TENM4: variants seen among roughly 807,000 people sequenced by gnomAD.
TENM4 encodes teneurin-4.
Under a neutral mutation model 243.3 loss-of-function variants are expected in TENM4, and 82 were observed. The observed-to-expected ratio is 0.34, with a 90% CI of 0.28 to 0.40. The LOEUF is 0.40. Among genes scored for constraint, TENM4 ranks in the 10% least tolerant of loss-of-function variants. TENM4 has a pLI of 1.00. For missense variants in TENM4, 3,138 were observed against 3,673.3 expected (o/e 0.85, Z 3.77); for synonymous variants, 1,412 against 1,456.3 (o/e 0.97, Z 0.69).
At chr11:79,179,306 A>G (rs543728494) in intron 3 of TENM4, among the ~76,000 whole-genome samples, 1 of 152,318 alleles carries the variant, frequency 6.6e-6, no homozygotes, top group East Asian at 1.9e-4. Context: ...ATGGCCCAGC[A>G]CATGTTTTTT....
rs3829217 is a variant in TENM4, at chr11:78,863,313, T to A, written c.1085-181A>T. On this transcript the variant is annotated intron_variant, in intron 9 of 33. Transcript: ENST00000278550. Reference sequence around the variant, plus strand: ...CAAAGGAGACTGGGGACAGAGAGGATCAAGGTTCAGACCCTGCCCTCAAGG... The same window carrying A: ...CAAAGGAGACTGGGGACAGAGAGGAACAAGGTTCAGACCCTGCCCTCAAGG... 1.2e-3 allele frequency among the ~76,000 whole-genome samples: 184 copies of A among 152,304 alleles called. 3 individuals are homozygous for A. In the East Asian group the frequency reaches 0.03, roughly 25 times the overall value.
chr11:79,322,830 T>C (rs191719204), intron 1 of TENM4, among the ~76,000 whole-genome samples: 1 of 152,342 alleles, frequency 6.6e-6, no homozygotes, highest in East Asian at 1.9e-4. Context: ...GAGAGGCATA[T>C]TTATTCTTAA....
Position 78,856,011 on chromosome 11 carries a change from G to A in TENM4, c.1423C>T (p.Leu475=). The change falls in exon 11 of 34, where the codon CTG becomes TTG. Residue 475 remains leucine (L), a synonymous_variant. Transcript: ENST00000278550. ...CCTTTTCTGCCATAAATGCCAACCA[G>A]GGCTGCCTTTCCCAGAGACACATTG... ...KFNVSLGKAA[L]VGIYGRKGLP... The A allele has an allele frequency of 6.4e-7, 1 of 1,551,732 alleles. No individual in the cohort carries two copies. The highest frequency in any genetic ancestry group is 8.7e-7 in the Non-Finnish European group (1 of 1,146,994).
At position 78,653,689 on chromosome 11, in the gene TENM4, C is replaced by G. The variant is rs79830120; in HGVS notation, c.*4369G>C. ...GAGGCTCAGCTCCTGCCAGGACGGC[C>G]GAGCGTGCTCCAGACTAGTCCTCCC... On this transcript the variant is annotated 3_prime_UTR_variant, in exon 34 of 34. Transcript: ENST00000278550. 1.3e-5 allele frequency: 2 copies of G among 152,380 alleles called. No individual in the cohort carries two copies. Among genetic ancestry groups the G allele is most frequent in the East Asian group, 1.9e-4 (1 of 5,190 alleles). 9.4% of individuals were successfully genotyped at this position (152,380 alleles called of 1,614,324 possible).
At chr11:78,878,630 C>G (rs374517825) in intron 9 of TENM4, among the ~76,000 whole-genome samples, 2 of 152,292 alleles carry the variant, frequency 1.3e-5, no homozygotes, top group East Asian at 3.9e-4. Context: ...ATTAAACTGG[C>G]AGACCCAAGA....
intron 6 of TENM4, among the ~76,000 whole-genome samples, chr11:78,966,294 T>C (rs1222350027): frequency 6.6e-6 from 1 of 152,126 alleles, no homozygotes; most frequent in Non-Finnish European, 1.5e-5. Context: ...TGTTGAGAAC[T>C]GTGTGTGGCA....
chr11:79,298,538 A>G (rs11824485), intron 1 of TENM4, among the ~76,000 whole-genome samples: 23,054 of 146,796 alleles, frequency 0.16, 2,128 homozygotes, highest in African/African-American at 0.22. Context: ...AAAAAAAAAA[A>G]AAAAAAAAAA....
In TENM4 at chr11:79,254,696, T is replaced by C. The variant is rs901162862; in HGVS notation, c.-264-38787A>G. On this transcript the variant is annotated intron_variant, in intron 2 of 33. Transcript: ENST00000278550. ...TTAAGTGCTGCAACTGACTATAATA[T>C]TGTGTTAATATTATATAATGTGTTC... 2.0e-5 allele frequency among the ~76,000 whole-genome samples: 3 copies of C among 152,148 alleles called. No individual in the cohort carries two copies. In the East Asian group the frequency reaches 5.8e-4, roughly 29 times the overall value.
At chr11:78,767,236 T>C (rs532363493) in intron 18 of TENM4, among the ~76,000 whole-genome samples, 1 of 152,212 alleles carries the variant, frequency 6.6e-6, no homozygotes, top group East Asian at 1.9e-4. Context: ...GTGTGACTTC[T>C]GCGAAATAAT....
rs760040389 is a variant in TENM4 at position 78,732,479 on chromosome 11, C to T, written c.2975G>A (p.Arg992His). ...GATGATGGTTTCCATGACAAAGAAG[C>T]GATCCCATGGCAGCCACAGGGTGTG... ...QEHTLWLPWD[R>H]FFVMETIIMR... is the part of the protein sequence containing the mutation. The change falls in exon 21 of 34, where the codon CGC (arginine) becomes CAC (histidine). Residue 992 changes from arginine (R) to histidine (H), a missense_variant. Arg to His is a conservative substitution (Grantham distance 29). This residue lies in a region of TENM4 where 2,467 missense variants were observed against 3,059.1 expected (regional missense o/e 0.81). Coordinates refer to ENST00000278550, the MANE Select transcript of TENM4 (RefSeq NM_001098816.3). 9.9e-6 allele frequency: 16 copies of T among 1,613,522 alleles called. No homozygotes were observed. The highest frequency in any genetic ancestry group is 2.2e-5 in the East Asian group (1 of 44,872).
chr11:79,168,560 T>C (rs1447639469), intron 3 of TENM4, among the ~76,000 whole-genome samples: 1 of 152,148 alleles, frequency 6.6e-6, no homozygotes, highest in African/African-American at 2.4e-5. Flanking sequence ...ATCTGTTACA[T>C]CATCACACTC....
intron 28 of TENM4, among the ~76,000 whole-genome samples, chr11:78,692,997 GTC>G (rs1491099758): frequency 0.01 from 1,556 of 152,062 alleles, 28 homozygotes; most frequent in African/African-American, 0.036. Flanking sequence ...TTTGTTTTCT[GTC>G]TCCTCCTAAT....
chr11:78,805,282 C>CCCCCCCCCCCCCCCCCCCCCCAAAAA lies in TENM4; in HGVS notation c.2179+9_2179+10insTTTTTGGGGGGGGGGGGGGGGGGGGG. ...CCCTCTACCCATGCTTCTTCTCCCC[C>CCCCCCCCCCCCCCCCCCCCCCAAAAA]TGCATTTACCGATAGAACAGTCGTG... is the stretch of plus-strand genomic sequence containing the variant. On this transcript the variant is annotated intron_variant, in intron 15 of 33. Transcript: ENST00000278550. 3.0e-6 allele frequency: 3 copies of CCCCCCCCCCCCCCCCCCCCCCAAAAA among 995,564 alleles called. No individual in the cohort carries two copies. The highest frequency in any genetic ancestry group is 2.4e-6 in the Non-Finnish European group (2 of 823,788). The allele number at this position is 995,564 out of a possible 1,614,324, so 61.7% of individuals were successfully genotyped here. A position where few individuals can be genotyped will look rare whatever the true frequency, so the allele number is the denominator to read the frequency against.
At chr11:78,944,709 C>T (rs1856974792) in intron 6 of TENM4, among the ~76,000 whole-genome samples, 2 of 152,192 alleles carry the variant, frequency 1.3e-5, no homozygotes, top group Non-Finnish European at 2.9e-5. Flanking sequence ...CTAATTGTAG[C>T]TCTGTTCATT....
At position 78,712,457 on chromosome 11, in the gene TENM4, C is replaced by T. The variant is rs1295225156; in HGVS notation, c.4054+25G>A. 9.4e-6 allele frequency: 15 copies of T among 1,588,732 alleles called. No individual in the cohort carries two copies. In the East Asian group the frequency reaches 3.4e-4, roughly 36 times the overall value. On this transcript the variant is annotated intron_variant, in intron 26 of 33. Transcript: ENST00000278550. The stretch of plus-strand genomic sequence containing the variant: ...AAAATACCCCAATAAATGTTATTGA[C>T]AATGTCTCTAAGGCAAGGCCTTACC...
At chr11:79,298,015 G>A (rs961171367) in intron 1 of TENM4, among the ~76,000 whole-genome samples, 13 of 150,824 alleles carry the variant, frequency 8.6e-5, no homozygotes, top group Middle Eastern at 3.4e-3. Flanking sequence ...AAAGCACCAC[G>A]CCAGTCATGA....
At chr11:79,203,813 ATC>A (rs1262801011) in intron 3 of TENM4, among the ~76,000 whole-genome samples, 3 of 152,228 alleles carry the variant, frequency 2.0e-5, no homozygotes, top group African/African-American at 7.2e-5. Flanking sequence ...TGTGACTATC[ATC>A]TCTCTCCCAA....
rs143808105 is a variant in TENM4 at position 78,963,308 on chromosome 11, G to A, written c.494-59785C>T. On this transcript the variant is annotated intron_variant, in intron 6 of 33. Coordinates refer to ENST00000278550, the MANE Select transcript of TENM4 (RefSeq NM_001098816.3). ...TCCCAACTCTTCAGAAGGAGGAGGC[G>A]ATGGCTTGGGACAAGAACTTTGAGC... Among the ~76,000 whole-genome samples the A allele has an allele frequency of 1.4e-3, 208 of 152,268 alleles. 1 individual carries two copies. The highest frequency in any genetic ancestry group is 2.1e-3 in the Non-Finnish European group (144 of 68,020).
At chr11:79,341,480 G>C (rs1590892793) in intron 1 of TENM4, among the ~76,000 whole-genome samples, 1 of 152,222 alleles carries the variant, frequency 6.6e-6, no homozygotes, top group East Asian at 1.9e-4. Flanking sequence ...GGAGGAAAGT[G>C]AAGAGCACAG....
Sources: allele counts gnomAD v4.1 joint callset (sites outside exome capture counted in the v4.1 genomes callset), GRCh38; gene constraint gnomAD v4.1.1; regional missense constraint gnomAD v4.1.1; transcripts MANE v1.5; gene names NCBI Gene and HGNC (gene_info 2026-07-23, HGNC 2026-07-21).